Variants in CNGB3 observed in about 807,000 individuals in gnomAD.
The protein encoded by CNGB3 is cyclic nucleotide gated channel subunit beta 3.
Under a neutral mutation model 92.8 loss-of-function variants are expected in CNGB3, and 86 were observed. The observed-to-expected ratio is 0.93, with a 90% CI of 0.78 to 1.11. CNGB3 has a LOEUF of 1.11. Among genes scored for constraint, CNGB3 ranks in the 50% least tolerant of loss-of-function variants. The pLI is 0.00. For missense variants in CNGB3, 1,026 were observed against 956.8 expected (o/e 1.07, Z -0.95); for synonymous variants, 333 against 332.7 (o/e 1.00, Z -0.01).
intron 15 of CNGB3, chr8:86,594,368 A>T: frequency 6.4e-6 from 2 of 310,728 alleles, no homozygotes; most frequent in South Asian, 3.0e-5. Context: ...GGCCTCCATG[A>T]CCTTCATTTT....
chr8:86,620,541 C>T (rs1172477852), intron 13 of CNGB3, among the ~76,000 whole-genome samples: 1 of 152,166 alleles, frequency 6.6e-6, no homozygotes, highest in Non-Finnish European at 1.5e-5. Flanking sequence ...ACTGAATCAC[C>T]TGTTTCAGTA....
chr8:86,602,458 G>T (rs3919708), intron 15 of CNGB3, among the ~76,000 whole-genome samples: 138,236 of 152,230 alleles, frequency 0.91, 63,032 homozygotes, highest in African/African-American at 0.97. Context: ...TTAGCAGCTA[G>T]GAAATTAGAG....
chr8:86,603,735 C>T (rs146069501), intron 15 of CNGB3, among the ~76,000 whole-genome samples: 185 of 152,170 alleles, frequency 1.2e-3, no homozygotes, highest in Non-Finnish European at 2.1e-3. Context: ...CACTAGCCTA[C>T]GCAAGACCCC....
intron 15 of CNGB3, chr8:86,594,473 TC>T: frequency 6.9e-6 from 2 of 291,504 alleles, no homozygotes; most frequent in Non-Finnish European, 1.3e-5. Context: ...AAAGACGTGG[TC>T]CAGGAGGGGA....
At chr8:86,711,847 A>G (rs1004768586) in intron 3 of CNGB3, among the ~76,000 whole-genome samples, 4 of 150,150 alleles carry the variant, frequency 2.7e-5, no homozygotes. Context: ...ATATATATAT[A>G]TATATGACAT....
chr8:86,718,201 A>G (rs575456592), intron 3 of CNGB3, among the ~76,000 whole-genome samples: 4 of 152,238 alleles, frequency 2.6e-5, no homozygotes, highest in Admixed American at 2.6e-4. Flanking sequence ...CAAACAAACA[A>G]AAAAATACAA....
At chr8:86,614,964 C>T (rs760247043) in intron 13 of CNGB3, among the ~76,000 whole-genome samples, 3 of 152,122 alleles carry the variant, frequency 2.0e-5, no homozygotes, top group African/African-American at 4.8e-5. Flanking sequence ...TCCACCTCCA[C>T]GGGTTCAAAC....
chr8:86,729,155 C>G (rs142826057), intron 2 of CNGB3, among the ~76,000 whole-genome samples: 1 of 152,154 alleles, frequency 6.6e-6, no homozygotes, highest in Non-Finnish European at 1.5e-5. Context: ...AAGCAATGCG[C>G]CTGTCAAAGT....
intron 13 of CNGB3, among the ~76,000 whole-genome samples, chr8:86,616,776 C>A (rs1043464018): frequency 4.6e-5 from 7 of 152,164 alleles, no homozygotes; most frequent in Non-Finnish European, 1.0e-4. Flanking sequence ...AATATATGGT[C>A]ATCACTCCTG....
chr8:86,671,767 A>G (rs1394766474), intron 3 of CNGB3, among the ~76,000 whole-genome samples: 1 of 152,200 alleles, frequency 6.6e-6, no homozygotes, highest in African/African-American at 2.4e-5. Flanking sequence ...CTTCAGAGGT[A>G]CAACTGCGGG....
In CNGB3 at chr8:86,726,648, G is replaced by A. The variant is rs762689312; in HGVS notation, c.221C>T (p.Ser74Phe). The change falls in exon 3 of 18, where the codon TCC (serine) becomes TTC (phenylalanine). Residue 74 changes from serine (S) to phenylalanine (F), a missense_variant. By Grantham distance (155) the Ser-to-Phe change is radical. Coordinates refer to ENST00000320005, the MANE Select transcript of CNGB3 (RefSeq NM_019098.5). ...CAGATCTCCAGAGGAATTTTTCTTG[G>A]AGAGTTTGTCTATGAAAAAAAAATT... ...EPHTNIQDKL[S>F]KKNSSGDLTT... 46 of 1,613,566 alleles carry A rather than the reference G, an allele frequency of 2.9e-5. 1 individual carries two copies. The African/African-American group carries it at 3.6e-4, about 13-fold the overall frequency.
At chr8:86,609,869 A>T (rs995262387) in intron 14 of CNGB3, among the ~76,000 whole-genome samples, 3 of 151,902 alleles carry the variant, frequency 2.0e-5, no homozygotes, top group African/African-American at 7.3e-5. Flanking sequence ...AGAACTATTT[A>T]TCTTTAGATT....
At position 86,595,548 on chromosome 8, in the gene CNGB3, A is replaced by G. The variant is rs114288516; in HGVS notation, c.1781+8545T>C. The stretch of plus-strand genomic sequence containing the variant: ...TTCAAAAGGATGTAGTGAAAATGTA[A>G]ATATGTACTCTTAACACAGGTAGTG... On this transcript the variant is annotated intron_variant, in intron 15 of 17. Coordinates refer to ENST00000320005, the MANE Select transcript of CNGB3 (RefSeq NM_019098.5). 6.2e-3 allele frequency among the ~76,000 whole-genome samples: 946 copies of G among 152,310 alleles called. 12 individuals are homozygous for G. Among genetic ancestry groups the G allele is most frequent in the African/African-American group, 0.022 (898 of 41,570 alleles).
At chr8:86,670,406 G>A (rs995639588) in intron 4 of CNGB3, among the ~76,000 whole-genome samples, 6 of 152,044 alleles carry the variant, frequency 3.9e-5, no homozygotes, top group Non-Finnish European at 5.9e-5. Context: ...TGCATCTGTC[G>A]GAGGATTTCC....
intron 3 of CNGB3, among the ~76,000 whole-genome samples, chr8:86,674,539 A>G (rs1166685489): frequency 1.3e-5 from 2 of 152,210 alleles, no homozygotes; most frequent in African/African-American, 4.8e-5. Flanking sequence ...GTTATGGAAC[A>G]GGAAAGGCAA....
intron 3 of CNGB3, among the ~76,000 whole-genome samples, chr8:86,682,890 A>G (rs1012089025): frequency 1.3e-5 from 2 of 152,102 alleles, no homozygotes; most frequent in South Asian, 4.1e-4. Flanking sequence ...GGACTGTAAG[A>G]CAGAGTTCTA....
rs538992723 is a variant in CNGB3 at position 86,581,222 on chromosome 8, T to A, written c.1782-1970A>T. The stretch of plus-strand genomic sequence containing the variant: ...CCCCAAATCTGGAGAGAGAGGTGAA[T>A]CCATAAAACTACAGCCATATCTGCT... On this transcript the variant is annotated intron_variant, in intron 15 of 17. Transcript: ENST00000320005. Among the ~76,000 whole-genome samples the A allele has an allele frequency of 1.8e-4, 28 of 152,220 alleles. No homozygotes were observed. In the East Asian group the frequency reaches 5.4e-3, roughly 29 times the overall value.
chr8:86,634,501 A>C (rs949682994), intron 10 of CNGB3, among the ~76,000 whole-genome samples: 5 of 152,126 alleles, frequency 3.3e-5, no homozygotes, highest in Non-Finnish European at 7.4e-5. Context: ...ATTCTTGTGC[A>C]CTTAGGCATA....
At chr8:86,599,244 A>G (rs148063917) in intron 15 of CNGB3, among the ~76,000 whole-genome samples, 3 of 152,328 alleles carry the variant, frequency 2.0e-5, no homozygotes, top group East Asian at 1.9e-4. Flanking sequence ...CACTTCCCCA[A>G]TCAATACCCT....
Sources: allele counts gnomAD v4.1 joint callset (sites outside exome capture counted in the v4.1 genomes callset), GRCh38; gene constraint gnomAD v4.1.1; transcripts MANE v1.5; gene names NCBI Gene and HGNC (gene_info 2026-07-23, HGNC 2026-07-21).